LRRC8C: variants seen among roughly 807,000 people sequenced by gnomAD.
The protein encoded by LRRC8C is volume-regulated anion channel subunit LRRC8C.
A neutral mutation model predicts 55.3 loss-of-function variants in LRRC8C; 20 were observed. That is an observed-to-expected ratio of 0.36 (90% CI 0.25 to 0.53). The LOEUF (loss-of-function observed/expected upper bound fraction) is 0.53, where lower values mean the gene tolerates loss of function less well. Ranked by LOEUF, LRRC8C falls within the 20% of genes least tolerant of loss-of-function variation. The pLI is 0.92. For synonymous variants in LRRC8C, 376 were observed against 360.7 expected (o/e 1.04, Z -0.48); for missense variants, 659 against 951.4 (o/e 0.69, Z 4.04).
intron 1 of LRRC8C, among the ~76,000 whole-genome samples, chr1:89,652,943 A>G (rs957260199): frequency 6.6e-6 from 1 of 152,140 alleles, no homozygotes; most frequent in African/African-American, 2.4e-5. Flanking sequence ...GCAAATATAA[A>G]TATGTTCCCC....
chr1:89,634,343 C>T (rs994063589), intron 1 of LRRC8C, among the ~76,000 whole-genome samples: 6 of 152,130 alleles, frequency 3.9e-5, no homozygotes, highest in South Asian at 2.1e-4. Context: ...GTGTTTGGCA[C>T]GGGGAGGCTT....
chr1:89,691,344 T>C (rs888602838), intron 2 of LRRC8C, among the ~76,000 whole-genome samples: 2 of 152,128 alleles, frequency 1.3e-5, no homozygotes, highest in African/African-American at 4.8e-5. Context: ...ATAAGACGCA[T>C]GAAGGGGAAA....
Position 89,713,549 on chromosome 1 carries a change from G to A in LRRC8C, c.979G>A (p.Val327Ile). Residue 327 changes from valine (V) to isoleucine (I), a missense_variant, in exon 3 of 3, where the codon GTT becomes ATT. Physicochemically the swap from Val to Ile is conservative, Grantham distance 29 (BLOSUM62 3). Transcript: ENST00000370454. The surrounding 1 kb of genome is among the most constrained non-coding windows in gnomAD (Gnocchi z 5.2). ...ACTGTCCTTTTGCTATCTGTGCTTT[G>A]TTAGTATCTATGGATTGACGTGCCT... ...SKLSFCYLCF[V>I]SIYGLTCLYT... 1 of 1,614,130 alleles carries A rather than the reference G, an allele frequency of 6.2e-7. No homozygotes were observed. The highest frequency in any genetic ancestry group is 8.5e-7 in the Non-Finnish European group (1 of 1,180,026).
At chr1:89,617,495 C>A in the LRRC8C span, among the ~76,000 whole-genome samples, 1 of 152,230 alleles carries the variant, frequency 6.6e-6, no homozygotes, top group Non-Finnish European at 1.5e-5. Flanking sequence ...TGGTCCTGGG[C>A]AGGCCATTAG....
chr1:89,712,234 T>G (rs1658669211), intron 2 of LRRC8C, among the ~76,000 whole-genome samples: 1 of 152,176 alleles, frequency 6.6e-6, no homozygotes, highest in South Asian at 2.1e-4. Context: ...TGCCTCAACC[T>G]CCCAAGTACC....
chr1:89,622,074 A>G, the LRRC8C span, among the ~76,000 whole-genome samples: 2 of 152,306 alleles, frequency 1.3e-5, no homozygotes, highest in East Asian at 3.9e-4. Flanking sequence ...ATTTTTGTTT[A>G]GCACTCTAGG....
At chr1:89,676,465 G>A (rs892498239) in intron 1 of LRRC8C, 6 of 152,110 alleles carry the variant, frequency 3.9e-5, no homozygotes, top group South Asian at 2.1e-4. Context: ...TTTACAACAA[G>A]GAGCTATTTG....
chr1:89,697,340 C>T (rs937912533), intron 2 of LRRC8C, among the ~76,000 whole-genome samples: 6 of 152,226 alleles, frequency 3.9e-5, no homozygotes, highest in Admixed American at 2.0e-4. Flanking sequence ...TTGTCCTGTT[C>T]ATACATCGAA....
chr1:89,690,627 A>G lies in LRRC8C; in HGVS notation c.138+4016A>G, dbSNP rs572770831. ...AATGAATGAAAATAAGAGTGTACCTATGAAAATGTCTATAATGAGCATCAT... is the reference window on the plus strand; with the variant it reads ...AATGAATGAAAATAAGAGTGTACCTGTGAAAATGTCTATAATGAGCATCAT... On this transcript the variant is annotated intron_variant, in intron 2 of 2. Coordinates refer to ENST00000370454, the MANE Select transcript of LRRC8C (RefSeq NM_032270.5). Among the ~76,000 whole-genome samples the G allele has an allele frequency of 3.3e-5, 5 of 152,346 alleles. No individual in the cohort carries two copies. The East Asian group carries it at 9.6e-4, about 29-fold the overall frequency.
At chr1:89,660,520 T>A (rs900728589) in intron 1 of LRRC8C, among the ~76,000 whole-genome samples, 4 of 152,192 alleles carry the variant, frequency 2.6e-5, no homozygotes, top group African/African-American at 9.7e-5. Flanking sequence ...CTCCCTATCC[T>A]AGGTTTTATT....
chr1:89,622,395 C>G, the LRRC8C span, among the ~76,000 whole-genome samples: 2 of 148,278 alleles, frequency 1.3e-5, no homozygotes, highest in South Asian at 4.2e-4. Context: ...TGCAGTGGCG[C>G]GATCTCGGCT....
intron 1 of LRRC8C, among the ~76,000 whole-genome samples, chr1:89,636,764 C>T (rs1021730976): frequency 6.6e-5 from 10 of 152,264 alleles, no homozygotes; most frequent in African/African-American, 2.4e-4. Flanking sequence ...ACACGTACCC[C>T]TCCAAAAGTG....
chr1:89,691,873 C>T (rs1658036213), intron 2 of LRRC8C, among the ~76,000 whole-genome samples: 1 of 152,066 alleles, frequency 6.6e-6, no homozygotes, highest in Non-Finnish European at 1.5e-5. Context: ...AAAATCGTTA[C>T]AAAAAGTATC....
At chr1:89,680,162 C>T (rs1422790770) in intron 1 of LRRC8C, among the ~76,000 whole-genome samples, 6 of 151,442 alleles carry the variant, frequency 4.0e-5, no homozygotes, top group Non-Finnish European at 5.9e-5. Context: ...ACTGCAAGCT[C>T]CACCTCCTGG....
At chr1:89,637,544 C>G (rs1656325026) in intron 1 of LRRC8C, among the ~76,000 whole-genome samples, 1 of 151,838 alleles carries the variant, frequency 6.6e-6, no homozygotes, top group Non-Finnish European at 1.5e-5. Context: ...TACCTTATGA[C>G]TGAGGCCTGC....
intron 1 of LRRC8C, among the ~76,000 whole-genome samples, chr1:89,640,737 G>C (rs1656432049): frequency 6.6e-6 from 1 of 152,210 alleles, no homozygotes. Context: ...GGTATGTCCA[G>C]GGTTTGGATC....
In LRRC8C at chr1:89,715,438, T is replaced by C. The variant is rs576481354; in HGVS notation, c.*456T>C. 1 of 152,832 alleles carries C rather than the reference T, an allele frequency of 6.5e-6. No individual in the cohort carries two copies. The highest frequency in any genetic ancestry group is 1.9e-4 in the East Asian group (1 of 5,210). The allele number at this position is 152,832 out of a possible 1,614,324, so 9.5% of individuals were successfully genotyped here. ...TTTTAATACCAGCTGTCTTCTCCAT[T>C]GGCCAAGACCTTCATTCAGTGGAAC... On this transcript the variant is annotated 3_prime_UTR_variant, in exon 3 of 3. Transcript: ENST00000370454.
At chr1:89,709,628 G>T (rs542402388) in intron 2 of LRRC8C, among the ~76,000 whole-genome samples, 62 of 152,120 alleles carry the variant, frequency 4.1e-4, no homozygotes, top group Non-Finnish European at 7.4e-4. Flanking sequence ...CCACTTGGTT[G>T]CTTTGCAGGG....
intron 1 of LRRC8C, among the ~76,000 whole-genome samples, chr1:89,648,403 A>C (rs1383700292): frequency 3.3e-5 from 5 of 152,210 alleles, no homozygotes; most frequent in Non-Finnish European, 7.4e-5. Flanking sequence ...GTTATAATTC[A>C]TTGTTGTTGG....
Sources: gnomAD v4.1 joint callset for allele counts (sites outside exome capture counted in the v4.1 genomes callset) on GRCh38, gnomAD v4.1.1 for gene constraint, Gnocchi (gnomAD v3.1) non-coding constraint, MANE v1.5 for transcripts, NCBI Gene and HGNC (gene_info 2026-07-23, HGNC 2026-07-21) for gene names.